BTBD7: variants seen among roughly 807,000 people sequenced by gnomAD.
The protein encoded by BTBD7 is BTB domain containing 7.
BTBD7 carries 38 observed loss-of-function variants against 99.9 expected under a neutral mutation model. The ratio of observed to expected loss-of-function variants is 0.38; its 90% CI spans 0.29 to 0.50. The LOEUF (loss-of-function observed/expected upper bound fraction) is 0.50, where lower values mean the gene tolerates loss of function less well. BTBD7 is among the 20% of genes least tolerant of loss of function. The pLI is 0.93. For synonymous variants in BTBD7, 520 were observed against 511.4 expected (o/e 1.02, Z -0.23); for missense variants, 1,170 against 1,394.6 (o/e 0.84, Z 2.57).
rs1197069251 is a variant in BTBD7, at chr14:93,237,653, G to A, written c.*4620C>T. On this transcript the variant is annotated 3_prime_UTR_variant, in exon 11 of 11. Coordinates refer to ENST00000334746, the MANE Select transcript of BTBD7 (RefSeq NM_001002860.4). ...AAAAATAGAAGCAGTGAAAACCTCTGTACAACTGTAATGGTACTCAAAAGA... is the reference window on the plus strand; with the variant it reads ...AAAAATAGAAGCAGTGAAAACCTCTATACAACTGTAATGGTACTCAAAAGA... 2 of 152,608 alleles carry A rather than the reference G, an allele frequency of 1.3e-5. No individual in the cohort carries two copies. The highest frequency in any genetic ancestry group is 4.8e-5 in the African/African-American group (2 of 41,424). The allele number at this position is 152,608 out of a possible 1,614,324, so 9.5% of individuals were successfully genotyped here.
At chr14:93,263,756 C>T in intron 4 of BTBD7, 29 bp downstream of exon 4, 1 of 1,584,850 alleles carries the variant, frequency 6.3e-7, no homozygotes, top group Non-Finnish European at 8.7e-7. Context: ...ATATGAATGA[C>T]AGAGTTTGAG....
chr14:93,327,422 T>C (rs1196585113), intron 1 of BTBD7, among the ~76,000 whole-genome samples: 1 of 152,204 alleles, frequency 6.6e-6, no homozygotes, highest in Non-Finnish European at 1.5e-5. Context: ...ACTATAGTAT[T>C]ATTTTTATCA....
At chr14:93,313,872 T>G (rs1400891882) in intron 1 of BTBD7, among the ~76,000 whole-genome samples, 2 of 152,116 alleles carry the variant, frequency 1.3e-5, no homozygotes, top group African/African-American at 4.8e-5. Flanking sequence ...TAGCTAGGAC[T>G]ATAGGTGTGT....
intron 4 of BTBD7, among the ~76,000 whole-genome samples, chr14:93,263,424 AATCT>A (rs944277806): frequency 1.3e-5 from 2 of 152,380 alleles, no homozygotes; most frequent in African/African-American, 4.8e-5. Flanking sequence ...ACTGTCTTAC[AATCT>A]AAGTATGTGA....
intron 1 of BTBD7, among the ~76,000 whole-genome samples, chr14:93,298,197 T>G (rs1426000260): frequency 6.6e-6 from 1 of 152,154 alleles, no homozygotes; most frequent in South Asian, 2.1e-4. Context: ...GGACAAGAAT[T>G]TACTACTCTT....
intron 1 of BTBD7, chr14:93,332,335 G>C (rs2053444579): frequency 6.6e-6 from 1 of 152,438 alleles, no homozygotes; most frequent in African/African-American, 2.4e-5. Context: ...GGGAGTAGCA[G>C]TCCTCAGGCC....
intron 10 of BTBD7, 146 bp downstream of exon 10, chr14:93,245,679 T>C (rs2052295804): frequency 7.0e-7 from 1 of 1,424,254 alleles, no homozygotes; most frequent in Non-Finnish European, 9.4e-7. Context: ...TTTCCCTCTT[T>C]TCCATACCCC....
intron 3 of BTBD7, among the ~76,000 whole-genome samples, chr14:93,286,906 G>C (rs2052785036): frequency 6.6e-6 from 1 of 152,040 alleles, no homozygotes; most frequent in African/African-American, 2.4e-5. Flanking sequence ...GGTCTCTCTG[G>C]TTCTTATGGG....
At chr14:93,309,044 A>G (rs2053106469) in intron 1 of BTBD7, among the ~76,000 whole-genome samples, 1 of 152,236 alleles carries the variant, frequency 6.6e-6, no homozygotes, top group African/African-American at 2.4e-5. Context: ...AAAAACATTA[A>G]AACAGAAAAG....
At chr14:93,246,417 T>C (rs2052312101) in intron 9 of BTBD7, 131 bp from the exon 10 acceptor site, 1 of 1,076,904 alleles carries the variant, frequency 9.3e-7, no homozygotes, top group South Asian at 2.1e-5. Flanking sequence ...GCATAATATA[T>C]TTTTCTAGGC....
chr14:93,314,599 A>C (rs978338210), intron 1 of BTBD7, among the ~76,000 whole-genome samples: 3 of 152,212 alleles, frequency 2.0e-5, no homozygotes, highest in Non-Finnish European at 2.9e-5. Context: ...ATTTTTCAAT[A>C]TTATAAATAG....
At chr14:93,251,086 A>G (rs2052363338) in intron 8 of BTBD7, among the ~76,000 whole-genome samples, 1 of 152,240 alleles carries the variant, frequency 6.6e-6, no homozygotes, top group Admixed American at 6.5e-5. Flanking sequence ...AATGTTTCCA[A>G]AAGGTTTTCA....
intron 3 of BTBD7, among the ~76,000 whole-genome samples, chr14:93,280,287 A>T (rs1349422424): frequency 6.6e-6 from 1 of 152,242 alleles, no homozygotes; most frequent in African/African-American, 2.4e-5. Context: ...TACTTTCCAG[A>T]GAAAATTTAC....
At chr14:93,302,954 A>G (rs554340226) in intron 1 of BTBD7, among the ~76,000 whole-genome samples, 1 of 152,284 alleles carries the variant, frequency 6.6e-6, no homozygotes, top group African/African-American at 2.4e-5. Context: ...TTGAGGTTGC[A>G]GTGAGCTATG....
chr14:93,240,857 G>A lies in BTBD7; in HGVS notation c.*1416C>T, dbSNP rs189552173. Reference sequence around the variant, plus strand: ...TCCCAGTGGAGTTCAAGTAGGACATGTAGTGTTTAACTGAAAACAATTTTT... The same window carrying A: ...TCCCAGTGGAGTTCAAGTAGGACATATAGTGTTTAACTGAAAACAATTTTT... On this transcript the variant is annotated 3_prime_UTR_variant, in exon 11 of 11. Transcript: ENST00000334746. The A allele has an allele frequency of 3.3e-5, 5 of 152,746 alleles. No individual in the cohort carries two copies. The highest frequency in any genetic ancestry group is 2.6e-4 in the Admixed American group (4 of 15,300). 9.5% of individuals were successfully genotyped at this position (152,746 alleles called of 1,614,324 possible).
rs1355602365 is a variant in BTBD7, at chr14:93,332,893, A to G, written c.-180T>C. ...CGCCTCCGCCGCCGCCGCCACCAGC[A>G]CCGCCGTCCGCACCGGCGCCAGCAC... On this transcript the variant is annotated 5_prime_UTR_variant, in exon 1 of 11. Transcript: ENST00000334746. The G allele has an allele frequency of 3.5e-6, 5 of 1,418,102 alleles. No individual in the cohort carries two copies. Among genetic ancestry groups the G allele is most frequent in the Non-Finnish European group, 4.6e-6 (5 of 1,075,308 alleles). The allele number at this position is 1,418,102 out of a possible 1,614,324, so 87.8% of individuals were successfully genotyped here. A position where few individuals can be genotyped will look rare whatever the true frequency, so the allele number is the denominator to read the frequency against.
intron 7 of BTBD7, 144 bp from the exon 8 acceptor site, chr14:93,251,796 G>A: frequency 1.4e-6 from 1 of 726,752 alleles, no homozygotes; most frequent in Non-Finnish European, 1.9e-6. Context: ...GTGAAAGAAA[G>A]TTCCCCTACA....
chr14:93,264,968 A>G (rs2052526205), intron 3 of BTBD7, among the ~76,000 whole-genome samples: 1 of 152,146 alleles, frequency 6.6e-6, no homozygotes, highest in Non-Finnish European at 1.5e-5. Flanking sequence ...GGCGTCCTGT[A>G]ATCCCAGCTA....
At position 93,261,697 on chromosome 14, in the gene BTBD7, A is replaced by T; in HGVS notation, c.1372-20T>A. ...ACTTGCCTATAATAAAAAATGGTTT[A>T]TATTTATTTTAGTGAAATTAGATAA... On this transcript the variant is annotated intron_variant, in intron 4 of 10. Transcript: ENST00000334746. 1 of 1,562,386 alleles carries T rather than the reference A, an allele frequency of 6.4e-7. No individual in the cohort carries two copies. Among genetic ancestry groups the T allele is most frequent in the Non-Finnish European group, 8.8e-7 (1 of 1,140,558 alleles).
Sources: allele counts gnomAD v4.1 joint callset (sites outside exome capture counted in the v4.1 genomes callset), GRCh38; gene constraint gnomAD v4.1.1; transcripts MANE v1.5; gene names NCBI Gene and HGNC (gene_info 2026-07-23, HGNC 2026-07-21).